SMYD3: variants seen among roughly 807,000 people sequenced by gnomAD.
SMYD3 encodes SET and MYND domain containing 3, also known as histone-lysine N-methyltransferase SMYD3.
In SMYD3, 36 loss-of-function variants were observed where a neutral mutation model predicts 57.7. That is an observed-to-expected ratio of 0.62 (90% CI 0.48 to 0.82). The LOEUF (loss-of-function observed/expected upper bound fraction) is 0.82, where lower values mean the gene tolerates loss of function less well. Among genes scored for constraint, SMYD3 ranks in the 40% least tolerant of loss-of-function variants. SMYD3 has a pLI of 0.00. For synonymous variants in SMYD3, 211 were observed against 195.0 expected (o/e 1.08, Z -0.68); for missense variants, 515 against 538.8 (o/e 0.96, Z 0.44).
At chr1:245,754,801 C>T (rs2045540598) in intron 11 of SMYD3, among the ~76,000 whole-genome samples, 1 of 152,182 alleles carries the variant, frequency 6.6e-6, no homozygotes, top group Non-Finnish European at 1.5e-5. Context: ...AAAACTTGGC[C>T]CTTGCCCTGG....
At chr1:246,195,611 G>A (rs994051487) in intron 5 of SMYD3, among the ~76,000 whole-genome samples, 11 of 152,018 alleles carry the variant, frequency 7.2e-5, no homozygotes, top group East Asian at 3.9e-4. Flanking sequence ...GCGTGCACGC[G>A]CGCACACACA....
intron 7 of SMYD3, among the ~76,000 whole-genome samples, chr1:245,916,659 G>A (rs1314728580): frequency 6.6e-6 from 1 of 151,954 alleles, no homozygotes; most frequent in African/African-American, 2.4e-5. Flanking sequence ...ACCTTTTCCA[G>A]TGCCACCATC....
At chr1:246,133,303 G>A (rs554593752) in intron 5 of SMYD3, among the ~76,000 whole-genome samples, 2 of 152,112 alleles carry the variant, frequency 1.3e-5, no homozygotes, top group African/African-American at 4.8e-5. Flanking sequence ...AACATCATAA[G>A]ATTCCACTCC....
chr1:246,239,464 A>T (rs957293663), intron 5 of SMYD3, among the ~76,000 whole-genome samples: 1 of 152,152 alleles, frequency 6.6e-6, no homozygotes, highest in Non-Finnish European at 1.5e-5. Context: ...TCCATGGCGT[A>T]TATGTGCCAC....
chr1:246,083,558 T>C (rs2060678418), intron 5 of SMYD3, among the ~76,000 whole-genome samples: 1 of 122,858 alleles, frequency 8.1e-6, no homozygotes, highest in Non-Finnish European at 1.8e-5. Flanking sequence ...TTTGTCTCTG[T>C]GTATCTTTCT....
chr1:246,439,013 C>T (rs1034078007), intron 1 of SMYD3, among the ~76,000 whole-genome samples: 4 of 149,252 alleles, frequency 2.7e-5, no homozygotes, highest in Admixed American at 6.7e-5. Context: ...GTCCTCGGCC[C>T]GGGCTCTGGG....
intron 1 of SMYD3, among the ~76,000 whole-genome samples, chr1:246,419,357 C>T (rs2067108077): frequency 6.6e-6 from 1 of 152,234 alleles, no homozygotes. Flanking sequence ...ACACGTGTGA[C>T]ACCCTCCACG....
At chr1:245,947,336 G>A (rs186510234) in intron 5 of SMYD3, 32 of 456,350 alleles carry the variant, frequency 7.0e-5, no homozygotes, top group Non-Finnish European at 1.3e-4. Context: ...AGTATTTGCA[G>A]GAATTCATAC....
intron 5 of SMYD3, among the ~76,000 whole-genome samples, chr1:246,014,228 A>T (rs1442943791): frequency 6.6e-6 from 1 of 152,222 alleles, no homozygotes; most frequent in Non-Finnish European, 1.5e-5. Context: ...AGGCTAAGGC[A>T]GGAGAATTGC....
intron 5 of SMYD3, among the ~76,000 whole-genome samples, chr1:246,170,956 C>T (rs997803655): frequency 2.0e-5 from 3 of 152,156 alleles, no homozygotes; most frequent in African/African-American, 7.2e-5. Context: ...ATTTTTCAAA[C>T]AACCCTCTAA....
intron 5 of SMYD3, among the ~76,000 whole-genome samples, chr1:246,104,402 G>A (rs1055821523): frequency 8.5e-5 from 13 of 152,218 alleles, no homozygotes; most frequent in African/African-American, 3.1e-4. Context: ...AGAGACTGTT[G>A]TGGATCCACT....
chr1:246,322,275 A>C (rs1176278749), intron 5 of SMYD3: 1 of 152,350 alleles, frequency 6.6e-6, no homozygotes, highest in Non-Finnish European at 1.5e-5. Flanking sequence ...CTGAGGCACA[A>C]GACTCAACTT....
At chr1:246,008,607 G>A (rs1284199447) in intron 5 of SMYD3, among the ~76,000 whole-genome samples, 2 of 152,190 alleles carry the variant, frequency 1.3e-5, no homozygotes, top group African/African-American at 4.8e-5. Context: ...CGCTTGGGGA[G>A]TAGCCGTACC....
At chr1:246,387,238 T>C (rs2066498090) in intron 1 of SMYD3, among the ~76,000 whole-genome samples, 1 of 152,236 alleles carries the variant, frequency 6.6e-6, no homozygotes, top group African/African-American at 2.4e-5. Context: ...ACTGAGAATC[T>C]TGGCTTCACA....
rs9287176 is a variant in SMYD3, at chr1:245,849,649, T to A, written c.1076+8847A>T. ...ACCATCTTTATTTTATTTATTTTAT[T>A]TTATATTATTTATTTTATTTTGAGA... On this transcript the variant is annotated intron_variant, in intron 10 of 11. Coordinates refer to ENST00000490107, the MANE Select transcript of SMYD3 (RefSeq NM_001167740.2). Among the ~76,000 whole-genome samples, 548 of 127,676 alleles carry A rather than the reference T, an allele frequency of 4.3e-3. 1 individual carries two copies. Among genetic ancestry groups the A allele is most frequent in the African/African-American group, 0.014 (495 of 35,174 alleles). The allele number at this position is 127,676 out of a possible 152,430, so 83.8% of individuals were successfully genotyped here.
intron 10 of SMYD3, among the ~76,000 whole-genome samples, chr1:245,814,178 T>A (rs1467040301): frequency 6.6e-6 from 1 of 152,104 alleles, no homozygotes; most frequent in Non-Finnish European, 1.5e-5. Flanking sequence ...GACTATTAAA[T>A]TAATTACTGA....
At chr1:246,359,726 T>G (rs1441102762) in intron 1 of SMYD3, among the ~76,000 whole-genome samples, 2 of 152,144 alleles carry the variant, frequency 1.3e-5, no homozygotes, top group African/African-American at 4.8e-5. Flanking sequence ...ATCATCTCAA[T>G]AGATGCAGAA....
chr1:246,238,893 GT>G (rs35415664), intron 5 of SMYD3, among the ~76,000 whole-genome samples: 11,942 of 133,062 alleles, frequency 0.09, 591 homozygotes, highest in East Asian at 0.22. Flanking sequence ...TCTTTGTTTG[GT>G]TTTTTTTTTT....
intron 5 of SMYD3, among the ~76,000 whole-genome samples, chr1:246,300,730 C>T (rs1458029614): frequency 3.3e-5 from 5 of 152,054 alleles, no homozygotes; most frequent in Non-Finnish European, 5.9e-5. Flanking sequence ...AATAATAGTA[C>T]GTACCCCCAT....
Sources: gnomAD v4.1 joint callset for allele counts (sites outside exome capture counted in the v4.1 genomes callset) on GRCh38, gnomAD v4.1.1 for gene constraint, MANE v1.5 for transcripts, NCBI Gene and HGNC (gene_info 2026-07-23, HGNC 2026-07-21) for gene names.